The following GRHL2 variants were observed in gnomAD, a reference collection of about 807,000 sequenced individuals.
The protein encoded by GRHL2 is grainyhead-like protein 2 homolog.
GRHL2 carries 21 observed loss-of-function variants against 83.8 expected under a neutral mutation model. That is an observed-to-expected ratio of 0.25 (90% CI 0.18 to 0.36). The LOEUF (loss-of-function observed/expected upper bound fraction) is 0.36. GRHL2 is among the 10% of genes least tolerant of loss of function. The pLI is 1.00. For synonymous variants in GRHL2, 280 were observed against 278.9 expected, an observed-to-expected ratio of 1.00 and a Z score of -0.04; for missense variants, 623 against 781.8, an observed-to-expected ratio of 0.80 and a Z score of 2.42.
intron 1 of GRHL2, among the ~76,000 whole-genome samples, chr8:101,528,421 T>C (rs951949659): frequency 6.6e-5 from 10 of 151,998 alleles, no homozygotes; most frequent in African/African-American, 2.4e-4. Flanking sequence ...CCCCCGTCTC[T>C]TTTCAGATTT....
chr8:101,582,467 G>A (rs1042054501), intron 7 of GRHL2, among the ~76,000 whole-genome samples: 2 of 152,190 alleles, frequency 1.3e-5, no homozygotes, highest in Non-Finnish European at 2.9e-5. Flanking sequence ...ATGAAGCATA[G>A]ATGGAATTTT....
chr8:101,557,777 T>G (rs1288085811), intron 3 of GRHL2, among the ~76,000 whole-genome samples: 1 of 152,186 alleles, frequency 6.6e-6, no homozygotes, highest in Non-Finnish European at 1.5e-5. Flanking sequence ...TCTGATCGCT[T>G]CTTTTTGATG....
intron 8 of GRHL2, among the ~76,000 whole-genome samples, chr8:101,612,520 G>GATAGATACATAT (rs371662487): frequency 8.1e-6 from 1 of 123,678 alleles, no homozygotes; most frequent in East Asian, 2.4e-4. Context: ...TAGATAGATA[G>GATAGATACATAT]ATACATACAT....
At chr8:101,500,707 C>A (rs998678591) in intron 1 of GRHL2, among the ~76,000 whole-genome samples, 1 of 152,092 alleles carries the variant, frequency 6.6e-6, no homozygotes, top group East Asian at 1.9e-4. Flanking sequence ...GACGGAGTTT[C>A]GCCATTTTGG....
chr8:101,534,052 T>C (rs1190910799), intron 1 of GRHL2, among the ~76,000 whole-genome samples: 1 of 152,144 alleles, frequency 6.6e-6, no homozygotes, highest in Non-Finnish European at 1.5e-5. Context: ...TTGTTGAGAA[T>C]AGACTGGAAA....
intron 9 of GRHL2, among the ~76,000 whole-genome samples, chr8:101,630,541 T>C (rs1319098833): frequency 6.6e-6 from 1 of 152,236 alleles, no homozygotes; most frequent in Non-Finnish European, 1.5e-5. Flanking sequence ...TATTGTTAAA[T>C]CTATCTGTTT....
chr8:101,640,549 G>A (rs1813380892), intron 12 of GRHL2, among the ~76,000 whole-genome samples: 1 of 152,202 alleles, frequency 6.6e-6, no homozygotes, highest in African/African-American at 2.4e-5. Flanking sequence ...TATGCAAATA[G>A]CATGCATGAT....
At chr8:101,514,502 T>C (rs1177453200) in intron 1 of GRHL2, among the ~76,000 whole-genome samples, 1 of 152,070 alleles carries the variant, frequency 6.6e-6, no homozygotes, top group Non-Finnish European at 1.5e-5. Context: ...TAAGAAAGCT[T>C]CCTCAAAGCC....
rs1391247503 is a variant in GRHL2 at position 101,573,674 on chromosome 8, A to G, written c.741A>G (p.Thr247=). The change falls in exon 6 of 16, where the codon ACA becomes ACG. Residue 247 remains threonine, a synonymous_variant. Transcript: ENST00000646743. The part of the protein sequence containing the change: ...EYMYDQTSSG[T]FQYTLEATKS... Reference sequence around the variant, plus strand: ...TGTTTGTTTTCTTTCACAGTGGCACATTTCAGTACACCCTGGAAGCCACCA... The same window carrying G: ...TGTTTGTTTTCTTTCACAGTGGCACGTTTCAGTACACCCTGGAAGCCACCA... 1 of 1,614,188 alleles carries G rather than the reference A, an allele frequency of 6.2e-7. No individual in the cohort carries two copies. The highest frequency in any genetic ancestry group is 8.5e-7 in the Non-Finnish European group (1 of 1,180,038).
intron 1 of GRHL2, among the ~76,000 whole-genome samples, chr8:101,520,391 A>G (rs2130042665): frequency 6.6e-6 from 1 of 152,350 alleles, no homozygotes; most frequent in East Asian, 1.9e-4. Context: ...TGAAATAAAG[A>G]AAAGGGCTAC....
At chr8:101,628,383 C>T (rs1329325180) in intron 9 of GRHL2, among the ~76,000 whole-genome samples, 2 of 151,916 alleles carry the variant, frequency 1.3e-5, no homozygotes, top group Non-Finnish European at 2.9e-5. Flanking sequence ...TGGTGGGCTT[C>T]ATTTTAAGCC....
intron 3 of GRHL2, among the ~76,000 whole-genome samples, chr8:101,556,114 C>T (rs771881774): frequency 1.2e-4 from 18 of 152,140 alleles, no homozygotes; most frequent in African/African-American, 4.3e-4. Context: ...TGTGCCACCA[C>T]GCCTGGCTAA....
chr8:101,617,653 C>G (rs184281432), intron 8 of GRHL2, among the ~76,000 whole-genome samples: 35 of 152,282 alleles, frequency 2.3e-4, no homozygotes, highest in African/African-American at 7.7e-4. Context: ...TACAGGGATG[C>G]ACCACCACAC....
Position 101,492,521 on chromosome 8 carries a change from C to T in GRHL2, c.-249C>T. 4.9e-6 allele frequency: 3 copies of T among 606,834 alleles called. No homozygotes were observed. Among genetic ancestry groups the T allele is most frequent in the South Asian group, 1.9e-5 (1 of 51,348 alleles). The allele number at this position is 606,834 out of a possible 1,614,324, so 37.6% of individuals were successfully genotyped here. A position where few individuals can be genotyped will look rare whatever the true frequency, so the allele number is the denominator to read the frequency against. On this transcript the variant is annotated 5_prime_UTR_variant, in exon 1 of 16. Transcript: ENST00000646743. Reference sequence around the variant, plus strand: ...GCCACGATCCAGGAGGACTCCGCGCCGCCCGGCCGCCTCCGAGCTCGGGCC... The same window carrying T: ...GCCACGATCCAGGAGGACTCCGCGCTGCCCGGCCGCCTCCGAGCTCGGGCC...
chr8:101,667,123 T>A lies in GRHL2; in HGVS notation c.*420T>A, dbSNP rs754247747. ...CACCCCTCCATATCTATCTCCCGAGTGGCTGGACAAAATGAGCTACGTCTG... is the reference window on the plus strand; with the variant it reads ...CACCCCTCCATATCTATCTCCCGAGAGGCTGGACAAAATGAGCTACGTCTG... On this transcript the variant is annotated 3_prime_UTR_variant, in exon 16 of 16. Coordinates refer to ENST00000646743, the MANE Select transcript of GRHL2 (RefSeq NM_024915.4). The A allele has an allele frequency of 1.1e-4, 29 of 262,654 alleles. No individual in the cohort carries two copies. The highest frequency in any genetic ancestry group is 2.0e-4 in the Non-Finnish European group (27 of 132,300). 16.3% of individuals were successfully genotyped at this position (262,654 alleles called of 1,614,324 possible). A position where few individuals can be genotyped will look rare whatever the true frequency, so the allele number is the denominator to read the frequency against.
chr8:101,493,330 C>T (rs974113358), intron 1 of GRHL2, among the ~76,000 whole-genome samples: 1 of 152,162 alleles, frequency 6.6e-6, no homozygotes, highest in African/African-American at 2.4e-5. Context: ...TGAGTGCGCG[C>T]CCGCGTGTGG....
Position 101,526,125 on chromosome 8 carries a change from T to C in GRHL2, c.21-17116T>C, listed in dbSNP as rs79300766. ...CATTCAATCTATTACAAAATGTTAT[T>C]TTGGTTAGAGAATCCTGCTTCACAC... On this transcript the variant is annotated intron_variant, in intron 1 of 15. Coordinates refer to ENST00000646743, the MANE Select transcript of GRHL2 (RefSeq NM_024915.4). Among the ~76,000 whole-genome samples, 355 of 152,346 alleles carry C rather than the reference T, an allele frequency of 2.3e-3. 3 individuals are homozygous for C. Among genetic ancestry groups the C allele is most frequent in the African/African-American group, 6.7e-3 (280 of 41,584 alleles).
intron 1 of GRHL2, among the ~76,000 whole-genome samples, chr8:101,526,585 G>C (rs527643893): frequency 2.2e-4 from 22 of 98,498 alleles, no homozygotes; most frequent in African/African-American, 9.2e-4. Flanking sequence ...AACAAATACT[G>C]TCTGTTGTTT....
intron 6 of GRHL2, among the ~76,000 whole-genome samples, chr8:101,577,105 C>T (rs951095235): frequency 3.9e-5 from 6 of 151,908 alleles, no homozygotes; most frequent in African/African-American, 1.5e-4. Context: ...TTCTGCTGAC[C>T]TCACAAAATA....
Sources: gnomAD v4.1 joint callset for allele counts (sites outside exome capture counted in the v4.1 genomes callset) on GRCh38, gnomAD v4.1.1 for gene constraint, MANE v1.5 for transcripts, NCBI Gene and HGNC (gene_info 2026-07-23, HGNC 2026-07-21) for gene names.